The following NRXN3 variants were observed in gnomAD, a reference collection of about 807,000 sequenced individuals.
The protein encoded by NRXN3 is neurexin 3.
In NRXN3, 32 loss-of-function variants were observed where a neutral mutation model predicts 137.6. The ratio of observed to expected loss-of-function variants is 0.23; its 90% CI spans 0.18 to 0.31. The LOEUF (loss-of-function observed/expected upper bound fraction) is 0.31, where lower values mean the gene tolerates loss of function less well. Among genes scored for constraint, NRXN3 ranks in the 10% least tolerant of loss-of-function variants. The pLI, the probability that NRXN3 is intolerant of heterozygous loss-of-function variation, is 1.00. For missense variants in NRXN3, 1,574 were observed against 2,062.5 expected, an observed-to-expected ratio of 0.76 and a Z score of 4.59; for synonymous variants, 798 against 784.5, an observed-to-expected ratio of 1.02 and a Z score of -0.29.
intron 15 of NRXN3, among the ~76,000 whole-genome samples, chr14:79,354,810 C>A (rs1159437085): frequency 6.6e-6 from 1 of 152,154 alleles, no homozygotes; most frequent in Non-Finnish European, 1.5e-5. Context: ...TGTAACAAAA[C>A]AAATTGTGTT....
intron 4 of NRXN3, among the ~76,000 whole-genome samples, chr14:78,495,372 C>A (rs2095760135): frequency 6.6e-6 from 1 of 152,016 alleles, no homozygotes; most frequent in Non-Finnish European, 1.5e-5. Context: ...AAAAAAATGA[C>A]TTCTTGTTTT....
intron 15 of NRXN3, among the ~76,000 whole-genome samples, chr14:79,041,917 T>C (rs2099625639): frequency 6.6e-6 from 1 of 151,974 alleles, no homozygotes; most frequent in East Asian, 1.9e-4. Flanking sequence ...AAGAGAAGAA[T>C]AGGAGGGGAG....
At chr14:78,809,215 T>C (rs978748852) in intron 9 of NRXN3, among the ~76,000 whole-genome samples, 2 of 152,156 alleles carry the variant, frequency 1.3e-5, no homozygotes, top group Non-Finnish European at 2.9e-5. Flanking sequence ...ACAGAATACC[T>C]TGTCTGATTA....
intron 16 of NRXN3, among the ~76,000 whole-genome samples, chr14:79,582,698 C>T (rs1329501228): frequency 6.6e-6 from 1 of 152,124 alleles, no homozygotes; most frequent in Non-Finnish European, 1.5e-5. Flanking sequence ...GGATTACATG[C>T]ATGAGTCCCC....
At chr14:78,998,739 C>A (rs2099535369) in intron 15 of NRXN3, among the ~76,000 whole-genome samples, 1 of 149,468 alleles carries the variant, frequency 6.7e-6, no homozygotes, top group Non-Finnish European at 1.5e-5. Context: ...ACTGAGATTA[C>A]AGGCACCAGC....
At chr14:78,487,601 G>T (rs946345346) in intron 4 of NRXN3, among the ~76,000 whole-genome samples, 1 of 151,906 alleles carries the variant, frequency 6.6e-6, no homozygotes, top group Non-Finnish European at 1.5e-5. Context: ...AATTAGCCAG[G>T]TGTGGTGGCA....
At chr14:79,608,535 C>A (rs1005748436) in intron 16 of NRXN3, among the ~76,000 whole-genome samples, 2 of 152,148 alleles carry the variant, frequency 1.3e-5, no homozygotes, top group African/African-American at 4.8e-5. Flanking sequence ...CACTGTGTCA[C>A]CATTTTTAGT....
intron 15 of NRXN3, among the ~76,000 whole-genome samples, chr14:79,363,110 C>T (rs1330850000): frequency 6.6e-6 from 1 of 151,758 alleles, no homozygotes; most frequent in Non-Finnish European, 1.5e-5. Context: ...AAGCAATTCT[C>T]CTCCCCCAGC....
chr14:79,223,264 G>C (rs1028443697), intron 15 of NRXN3, among the ~76,000 whole-genome samples: 26 of 152,252 alleles, frequency 1.7e-4, no homozygotes, highest in African/African-American at 6.3e-4. Flanking sequence ...TAAAGAGTTT[G>C]TCAGAAGTAT....
chr14:79,617,707 G>T (rs184204931), intron 16 of NRXN3, among the ~76,000 whole-genome samples: 10 of 152,072 alleles, frequency 6.6e-5, no homozygotes, highest in Non-Finnish European at 1.5e-4. Context: ...GTTTGCGAAA[G>T]GGATGTAGAA....
chr14:79,301,275 T>C lies in NRXN3; in HGVS notation c.3263-165946T>C, dbSNP rs192770036. Among the ~76,000 whole-genome samples, 25 of 152,190 alleles carry C rather than the reference T, an allele frequency of 1.6e-4. 1 individual carries two copies. The East Asian group carries it at 4.7e-3, about 28-fold the overall frequency. ...GCTGTGATTGACTGTGGCTGAGTGT[T>C]TGCCCTGGCAGCTTTTTTGTTGCTG... On this transcript the variant is annotated intron_variant, in intron 15 of 20. Transcript: ENST00000335750.
At chr14:79,728,135 G>T (rs1029306961) in intron 19 of NRXN3, among the ~76,000 whole-genome samples, 2 of 152,068 alleles carry the variant, frequency 1.3e-5, no homozygotes, top group Non-Finnish European at 2.9e-5. Flanking sequence ...GTAGTCCTGC[G>T]GTATGTTAAC....
intron 10 of NRXN3, among the ~76,000 whole-genome samples, chr14:78,812,633 A>G (rs1006522245): frequency 1.3e-5 from 2 of 152,254 alleles, no homozygotes; most frequent in South Asian, 2.1e-4. Context: ...GACACAGATG[A>G]CAGCAGGTTT....
chr14:78,460,788 C>A (rs2094899717), intron 4 of NRXN3, among the ~76,000 whole-genome samples: 1 of 147,468 alleles, frequency 6.8e-6, no homozygotes, highest in South Asian at 2.3e-4. Context: ...TGGGAAGATG[C>A]CCGGTGGTCT....
At chr14:78,697,783 A>G (rs544072026) in intron 6 of NRXN3, 9 of 151,906 alleles carry the variant, frequency 5.9e-5, no homozygotes, top group African/African-American at 1.9e-4. Flanking sequence ...TTTGCACCCA[A>G]CTCTTATTTG....
chr14:78,733,238 T>C (rs1233286133), intron 8 of NRXN3, among the ~76,000 whole-genome samples: 1 of 152,122 alleles, frequency 6.6e-6, no homozygotes, highest in Non-Finnish European at 1.5e-5. Flanking sequence ...GCCTGGGATA[T>C]AGAACGTGCT....
In NRXN3 at chr14:78,810,358, CAA is replaced by C. The variant is rs761342686; in HGVS notation, c.2275+15_2275+16del. 1.8e-4 allele frequency: 239 copies of C among 1,306,172 alleles called. No individual in the cohort carries two copies. The highest frequency in any genetic ancestry group is 2.3e-4 in the Non-Finnish European group (223 of 964,882). The allele number at this position is 1,306,172 out of a possible 1,614,324, so 80.9% of individuals were successfully genotyped here. ...ACTGTAACTCCAGTAAGTTTTCCCT[CAA>C]GTTTCATTTTGTTCTTTAAAAAAAA... On this transcript the variant is annotated intron_variant, in intron 10 of 20. Coordinates refer to ENST00000335750, the MANE Select transcript of NRXN3 (RefSeq NM_001330195.2).
At chr14:78,799,810 C>T (rs912250676) in intron 8 of NRXN3, among the ~76,000 whole-genome samples, 22 of 152,060 alleles carry the variant, frequency 1.4e-4, no homozygotes, top group Admixed American at 2.6e-4. Flanking sequence ...AGGGGTTTTT[C>T]GTTATAAAAC....
chr14:78,626,604 A>T lies in NRXN3; in HGVS notation c.758-18516A>T, dbSNP rs573239342. On this transcript the variant is annotated intron_variant, in intron 4 of 20. Transcript: ENST00000335750. Reference sequence around the variant, plus strand: ...TATCTCCCCAAAGTGGTCTATGTCAATGTCAGATAAAAAGTCATTCATGTA... The same window carrying T: ...TATCTCCCCAAAGTGGTCTATGTCATTGTCAGATAAAAAGTCATTCATGTA... 2.6e-5 allele frequency among the ~76,000 whole-genome samples: 4 copies of T among 152,344 alleles called. No homozygotes were observed. The South Asian group carries it at 8.3e-4, about 32-fold the overall frequency.
Sources: gnomAD v4.1 joint callset for allele counts (sites outside exome capture counted in the v4.1 genomes callset) on GRCh38, gnomAD v4.1.1 for gene constraint, MANE v1.5 for transcripts, NCBI Gene and HGNC (gene_info 2026-07-23, HGNC 2026-07-21) for gene names.